Variants in GTSF1 observed in about 807,000 individuals in gnomAD.
The protein encoded by GTSF1 is gametocyte-specific factor 1.
GTSF1 carries 11 observed loss-of-function variants against 28.9 expected under a neutral mutation model. The ratio of observed to expected loss-of-function variants is 0.38; its 90% CI spans 0.24 to 0.63. The LOEUF is 0.63. GTSF1 is among the 30% of genes least tolerant of loss of function. The probability of loss-of-function intolerance (pLI) is 0.56; values close to 1 mark genes in which losing one functional copy is unlikely to be tolerated. For missense variants in GTSF1, 146 were observed against 201.0 expected (o/e 0.73, Z 1.66); for synonymous variants, 69 against 65.6 (o/e 1.05, Z -0.25).
Position 54,459,094 on chromosome 12 carries a change from G to T in GTSF1, c.*15C>A. 1 of 1,597,042 alleles carries T rather than the reference G, an allele frequency of 6.3e-7. No individual in the cohort carries two copies. Among genetic ancestry groups the T allele is most frequent in the Non-Finnish European group, 8.6e-7 (1 of 1,167,606 alleles). ...AATAAAACTGAAACACTTACTTGAT[G>T]AGATAGGTATTCAGTTACTGTGCAT... is the stretch of plus-strand genomic sequence containing the variant. On this transcript the variant is annotated 3_prime_UTR_variant, in exon 8 of 9. Transcript: ENST00000305879.
intron 8 of GTSF1, among the ~76,000 whole-genome samples, chr12:54,456,772 TACA>T (rs1322255021): frequency 5.3e-5 from 8 of 152,200 alleles, no homozygotes; most frequent in African/African-American, 1.9e-4. Context: ...TAGAGAATTC[TACA>T]ACAACAGGCA....
chr12:54,456,408 T>G (rs944701631), intron 8 of GTSF1, among the ~76,000 whole-genome samples: 1 of 152,116 alleles, frequency 6.6e-6, no homozygotes, highest in Non-Finnish European at 1.5e-5. Context: ...GTGTCAAGAG[T>G]TTTACAAGTG....
intron 1 of GTSF1, among the ~76,000 whole-genome samples, chr12:54,473,211 T>C (rs899361957): frequency 6.6e-6 from 1 of 151,990 alleles, no homozygotes; most frequent in African/African-American, 2.4e-5. Context: ...GGCTACTGGT[T>C]AAACGCTTAA....
chr12:54,460,839 G>A (rs2120739722), intron 6 of GTSF1, among the ~76,000 whole-genome samples: 1 of 152,114 alleles, frequency 6.6e-6, no homozygotes, highest in East Asian at 1.9e-4. Context: ...CTTCAACTGA[G>A]GTAAAATTAA....
intron 4 of GTSF1, 44 bp downstream of exon 4, chr12:54,463,127 G>A (rs1956450875): frequency 6.3e-6 from 10 of 1,587,624 alleles, no homozygotes; most frequent in South Asian, 2.3e-5. Flanking sequence ...AAATCTGAAG[G>A]AGCTACCCTC....
chr12:54,470,492 T>G (rs1019671363), intron 2 of GTSF1, among the ~76,000 whole-genome samples: 2 of 152,250 alleles, frequency 1.3e-5, no homozygotes, highest in Non-Finnish European at 2.9e-5. Context: ...AGAATGGGAC[T>G]GAAATATCCT....
At chr12:54,457,339 TTACTAGACAGCTATTCA>T (rs1465751155) in intron 8 of GTSF1, among the ~76,000 whole-genome samples, 2 of 152,234 alleles carry the variant, frequency 1.3e-5, no homozygotes, top group African/African-American at 4.8e-5. Flanking sequence ...GTAGCCATTT[TTACTAGACAGCTATTCA>T]TATTGTTTGA....
intron 2 of GTSF1, 75 bp from the exon 3 acceptor site, chr12:54,465,242 G>A: frequency 2.1e-6 from 2 of 945,724 alleles, no homozygotes; most frequent in African/African-American, 3.3e-5. Context: ...AGGCACACTG[G>A]ATTTTTTCAA....
chr12:54,462,789 C>A lies in GTSF1; in HGVS notation c.245-64G>T, dbSNP rs938174456. 3 of 1,322,254 alleles carry A rather than the reference C, an allele frequency of 2.3e-6. No homozygotes were observed. In the African/African-American group the frequency reaches 4.4e-5, roughly 19 times the overall value. 81.9% of individuals were successfully genotyped at this position (1,322,254 alleles called of 1,614,324 possible). A position where few individuals can be genotyped will look rare whatever the true frequency, so the allele number is the denominator to read the frequency against. On this transcript the variant is annotated intron_variant, in intron 4 of 8. Transcript: ENST00000305879. The stretch of plus-strand genomic sequence containing the variant: ...TGCCAAGTTATTGTGTTCAAAGGGG[C>A]TAGTAGCTTAAAAGGTTGCAAGGGT...
At chr12:54,458,302 T>C (rs1956367365) in intron 8 of GTSF1, among the ~76,000 whole-genome samples, 1 of 152,216 alleles carries the variant, frequency 6.6e-6, no homozygotes, top group African/African-American at 2.4e-5. Context: ...TTTTGTGAGG[T>C]TCTGCTAAAT....
At chr12:54,459,013 G>T in intron 8 of GTSF1, 76 bp downstream of exon 8, 1 of 979,954 alleles carries the variant, frequency 1.0e-6, no homozygotes, top group Non-Finnish European at 1.6e-6. Flanking sequence ...AAAGAAAATT[G>T]GACCCAAATT....
intron 2 of GTSF1, among the ~76,000 whole-genome samples, chr12:54,465,694 A>C (rs775711474): frequency 1.5e-4 from 23 of 152,118 alleles, no homozygotes; most frequent in Admixed American, 3.9e-4. Flanking sequence ...TATCTAGATG[A>C]AGATACTAGT....
intron 7 of GTSF1, 117 bp from the exon 8 acceptor site, chr12:54,459,242 G>A: frequency 7.1e-7 from 1 of 1,408,698 alleles, no homozygotes; most frequent in African/African-American, 1.5e-5. Context: ...TAATATAAAA[G>A]TAGAAGAATT....
At chr12:54,463,023 T>G (rs897007939) in intron 4 of GTSF1, 148 bp downstream of exon 4, 1 of 726,554 alleles carries the variant, frequency 1.4e-6, no homozygotes, top group African/African-American at 1.8e-5. Flanking sequence ...TCTGACAACC[T>G]ATTGCTGCCA....
At chr12:54,459,224 C>T in intron 7 of GTSF1, 99 bp from the exon 8 acceptor site, 1 of 1,451,034 alleles carries the variant, frequency 6.9e-7, no homozygotes, top group Non-Finnish European at 9.3e-7. Context: ...CCTGTGTATA[C>T]TGAATTATAA....
chr12:54,462,196 T>C, intron 5 of GTSF1, 24 bp from the exon 6 acceptor site: 4 of 1,559,328 alleles, frequency 2.6e-6, no homozygotes, highest in Non-Finnish European at 3.5e-6. Flanking sequence ...CAAAACATAG[T>C]TTGTGGTACT....
At chr12:54,461,665 A>G (rs1178339109) in intron 6 of GTSF1, among the ~76,000 whole-genome samples, 4 of 152,160 alleles carry the variant, frequency 2.6e-5, no homozygotes, top group African/African-American at 9.7e-5. Context: ...ATACAAAATC[A>G]GTGGGAAGAA....
intron 2 of GTSF1, among the ~76,000 whole-genome samples, chr12:54,465,833 A>G (rs12312643): frequency 0.11 from 16,863 of 152,192 alleles, 1,149 homozygotes; most frequent in African/African-American, 0.19. Context: ...TCATCTGTCT[A>G]CTTTAACTTA....
At chr12:54,463,132 A>C (rs1451747536) in intron 4 of GTSF1, 39 bp downstream of exon 4, 12 of 1,592,092 alleles carry the variant, frequency 7.5e-6, no homozygotes, top group Non-Finnish European at 1.0e-5. Flanking sequence ...TGAAGGAGCT[A>C]CCCTCCAGTA....
Sources: allele counts gnomAD v4.1 joint callset (sites outside exome capture counted in the v4.1 genomes callset), GRCh38; gene constraint gnomAD v4.1.1; transcripts MANE v1.5; gene names NCBI Gene and HGNC (gene_info 2026-07-23, HGNC 2026-07-21).